Variants in EVL observed in about 807,000 individuals in gnomAD.
The protein encoded by EVL is Enah/Vasp-like, also known as ena/VASP-like protein.
EVL carries 21 observed loss-of-function variants against 59.6 expected under a neutral mutation model. That is an observed-to-expected ratio of 0.35 (90% confidence interval 0.25 to 0.51). The LOEUF (loss-of-function observed/expected upper bound fraction) is 0.51, where lower values mean the gene tolerates loss of function less well. Among genes scored for constraint, EVL ranks in the 20% least tolerant of loss-of-function variants. EVL has a pLI of 0.97. For missense variants in EVL, 462 were observed against 546.6 expected, an observed-to-expected ratio of 0.85 and a Z score of 1.54; for synonymous variants, 198 against 203.5, an observed-to-expected ratio of 0.97 and a Z score of 0.23.
intron 5 of EVL, 97 bp from the exon 6 acceptor site, chr14:100,128,422 T>C: frequency 8.0e-7 from 1 of 1,249,480 alleles, no homozygotes; most frequent in Non-Finnish European, 1.2e-6. Flanking sequence ...GGGAGCAGCC[T>C]GCCCCTGTCC....
chr14:100,001,226 GA>G (rs1566965936), intron 1 of EVL, among the ~76,000 whole-genome samples: 1 of 152,136 alleles, frequency 6.6e-6, no homozygotes, highest in Non-Finnish European at 1.5e-5. Flanking sequence ...AAGGCTTTAA[GA>G]AGCACAGCTT....
intron 3 of EVL, among the ~76,000 whole-genome samples, chr14:100,103,705 G>A (rs560346084): frequency 2.2e-4 from 33 of 152,104 alleles, no homozygotes; most frequent in East Asian, 3.9e-4. Context: ...ATTAAGGCCC[G>A]GCTGCTGTTT....
chr14:100,065,836 T>C (rs2061919271), intron 1 of EVL, among the ~76,000 whole-genome samples: 1 of 152,180 alleles, frequency 6.6e-6, no homozygotes, highest in Non-Finnish European at 1.5e-5. Context: ...AGGGGAATTG[T>C]TGTTTAGCTC....
At chr14:100,012,736 G>A (rs1280503942) in intron 1 of EVL, among the ~76,000 whole-genome samples, 3 of 152,124 alleles carry the variant, frequency 2.0e-5, no homozygotes, top group Non-Finnish European at 4.4e-5. Context: ...TGGTCCTGGT[G>A]GTGGTTTTAC....
At chr14:99,981,936 T>C (rs1372336041) in intron 1 of EVL, among the ~76,000 whole-genome samples, 1 of 152,196 alleles carries the variant, frequency 6.6e-6, no homozygotes, top group Non-Finnish European at 1.5e-5. Flanking sequence ...AAGGGACTCT[T>C]GAGTTGCCAC....
chr14:100,126,220 A>T (rs1888059922), intron 4 of EVL, among the ~76,000 whole-genome samples: 1 of 152,188 alleles, frequency 6.6e-6, no homozygotes, highest in Admixed American at 6.5e-5. Flanking sequence ...GGCCCTCTAG[A>T]CGAAGGCGGG....
chr14:100,031,513 A>T (rs2061314343), intron 1 of EVL, among the ~76,000 whole-genome samples: 1 of 152,230 alleles, frequency 6.6e-6, no homozygotes, highest in Admixed American at 6.5e-5. Flanking sequence ...TTTGAATTCC[A>T]CTGGCACCTC....
chr14:100,100,856 G>A (rs952286515), intron 3 of EVL, among the ~76,000 whole-genome samples: 3 of 150,980 alleles, frequency 2.0e-5, no homozygotes, highest in Non-Finnish European at 4.4e-5. Flanking sequence ...GTACTCTGCC[G>A]AGGACCATGC....
chr14:100,141,521 G>C (rs1220273864), intron 12 of EVL, among the ~76,000 whole-genome samples: 1 of 152,212 alleles, frequency 6.6e-6, no homozygotes, highest in African/African-American at 2.4e-5. Flanking sequence ...CTTAGTTTCA[G>C]TGGCGTCTAC....
intron 5 of EVL, 59 bp from the exon 6 acceptor site, chr14:100,128,459 CA>C (rs952088932): frequency 1.0e-4 from 162 of 1,560,062 alleles, no homozygotes; most frequent in Non-Finnish European, 1.3e-4. Flanking sequence ...GAGCTGAGAG[CA>C]GCAGGCTTGG....
chr14:100,142,659 C>G (rs1044584462), intron 13 of EVL, among the ~76,000 whole-genome samples: 4 of 152,160 alleles, frequency 2.6e-5, no homozygotes, highest in African/African-American at 9.7e-5. Context: ...CCCAGGCCTC[C>G]TCCCCCAGCC....
At chr14:100,015,598 G>A (rs1447978168) in intron 1 of EVL, among the ~76,000 whole-genome samples, 2 of 152,198 alleles carry the variant, frequency 1.3e-5, no homozygotes, top group Non-Finnish European at 2.9e-5. Context: ...GATCATTAGC[G>A]CCGGCAGGGA....
At chr14:100,070,298 A>C (rs1356356838) in intron 1 of EVL, among the ~76,000 whole-genome samples, 1 of 152,154 alleles carries the variant, frequency 6.6e-6, no homozygotes, top group Non-Finnish European at 1.5e-5. Context: ...CCTACAAAGT[A>C]TCGTATTCCA....
At chr14:100,063,777 T>A (rs1350038046), upstream of EVL, among the ~76,000 whole-genome samples, 1 of 152,230 alleles carries the variant, frequency 6.6e-6, no homozygotes, top group African/African-American at 2.4e-5. Context: ...CTTGTGCATA[T>A]GCTACATCCG....
intron 8 of EVL, among the ~76,000 whole-genome samples, chr14:100,133,965 A>G (rs1888610594): frequency 6.6e-6 from 1 of 152,074 alleles, no homozygotes; most frequent in Admixed American, 6.5e-5. Flanking sequence ...CAACAACAAA[A>G]AAACAGCCTC....
In EVL at chr14:100,128,615, C is replaced by T; in HGVS notation, c.584C>T (p.Pro195Leu). The part of the protein sequence containing the change: ...PPPPPPPVPP[P>L]PTGATPPPPP... ...CCCCCCCCACCCCCAGTCCCACCTC[C>T]ACCCACTGGGGCTACCCCACCTCCC... Residue 195 changes from proline to leucine, a missense_variant, in exon 6 of 14, where the codon CCA (proline) becomes CTA (leucine). Pro to Leu is a moderately conservative substitution (Grantham distance 98, BLOSUM62 -3). Coordinates refer to ENST00000392920, the MANE Select transcript of EVL (RefSeq NM_016337.3). 1 of 1,402,072 alleles carries T rather than the reference C, an allele frequency of 7.1e-7. No homozygotes were observed. The highest frequency in any genetic ancestry group is 9.5e-7 in the Non-Finnish European group (1 of 1,048,390). 86.9% of individuals were successfully genotyped at this position (1,402,072 alleles called of 1,614,324 possible). A position where few individuals can be genotyped will look rare whatever the true frequency, so the allele number is the denominator to read the frequency against.
chr14:100,114,542 G>T lies in EVL; in HGVS notation c.359-8997G>T. ...GGTGGGGAAGCCCACTTGATGGCTGGAAGGCGTATCAGTTACCCACTGCAC... is the reference window on the plus strand; with the variant it reads ...GGTGGGGAAGCCCACTTGATGGCTGTAAGGCGTATCAGTTACCCACTGCAC... On this transcript the variant is annotated intron_variant, in intron 3 of 13. Coordinates refer to ENST00000392920, the MANE Select transcript of EVL (RefSeq NM_016337.3). The surrounding 1 kb of genome is among the most constrained non-coding windows in gnomAD (Gnocchi z 5.0). 6.6e-6 allele frequency: 1 copy of T among 152,448 alleles called. No individual in the cohort carries two copies. The allele number at this position is 152,448 out of a possible 1,614,324, so 9.4% of individuals were successfully genotyped here.
chr14:100,056,374 A>C (rs2061733270), intron 1 of EVL, among the ~76,000 whole-genome samples: 1 of 151,502 alleles, frequency 6.6e-6, no homozygotes, highest in Non-Finnish European at 1.5e-5. Flanking sequence ...TATTTCAGCA[A>C]TTATATTTTT....
chr14:100,142,839 C>T (rs1328470480), intron 13 of EVL, among the ~76,000 whole-genome samples: 1 of 152,236 alleles, frequency 6.6e-6, no homozygotes, highest in Non-Finnish European at 1.5e-5. Flanking sequence ...TGCCGTCTGG[C>T]CCCAGGCATA....
Sources: allele counts gnomAD v4.1 joint callset (sites outside exome capture counted in the v4.1 genomes callset), GRCh38; gene constraint gnomAD v4.1.1; non-coding constraint Gnocchi (gnomAD v3.1); transcripts MANE v1.5; gene names NCBI Gene and HGNC (gene_info 2026-07-23, HGNC 2026-07-21).